The following ASPH variants were observed in gnomAD, a reference collection of about 807,000 sequenced individuals.
The protein encoded by ASPH is aspartyl/asparaginyl beta-hydroxylase.
A neutral mutation model predicts 118.4 loss-of-function variants in ASPH; 100 were observed. That is an observed-to-expected ratio of 0.84 (90% CI 0.72 to 1.00). The LOEUF is 1.00. Among genes scored for constraint, ASPH ranks in the 50% least tolerant of loss-of-function variants. The probability of loss-of-function intolerance (pLI) is 0.00; values close to 1 mark genes in which losing one functional copy is unlikely to be tolerated. For missense variants in ASPH, 920 were observed against 919.5 expected (o/e 1.00, Z -0.01); for synonymous variants, 315 against 325.6 (o/e 0.97, Z 0.35).
chr8:61,500,922 C>CTA lies in ASPH; in HGVS notation c.*2435_*2436dup, dbSNP rs1459443357. On this transcript the variant is annotated 3_prime_UTR_variant, in exon 25 of 25. Coordinates refer to ENST00000379454, the MANE Select transcript of ASPH (RefSeq NM_004318.4). Reference sequence around the variant, plus strand: ...ATAATCACCCCTGATAATATTATTACTAATCTTAATTATTTATTACATCAT... The same window carrying CTA: ...ATAATCACCCCTGATAATATTATTACTATAATCTTAATTATTTATTACATCAT... The CTA allele has an allele frequency of 2.0e-5, 3 of 152,178 alleles. No homozygotes were observed. In the East Asian group the frequency reaches 5.8e-4, roughly 29 times the overall value. 9.4% of individuals were successfully genotyped at this position (152,178 alleles called of 1,614,324 possible).
At chr8:61,505,564 G>A (rs997956386) in intron 24 of ASPH, among the ~76,000 whole-genome samples, 3 of 151,336 alleles carry the variant, frequency 2.0e-5, no homozygotes, top group Admixed American at 2.0e-4. Flanking sequence ...CCAGCCATGT[G>A]GAACTGTAAG....
At chr8:61,652,523 T>C (rs1014776987) in intron 4 of ASPH, among the ~76,000 whole-genome samples, 3 of 150,184 alleles carry the variant, frequency 2.0e-5, no homozygotes, top group African/African-American at 4.8e-5. Context: ...TGGAGTGTAA[T>C]GGGTTAAAAA....
chr8:61,575,868 T>C (rs995544895), intron 16 of ASPH, among the ~76,000 whole-genome samples: 2 of 152,130 alleles, frequency 1.3e-5, no homozygotes, highest in African/African-American at 2.4e-5. Flanking sequence ...ACCACCCCTA[T>C]AGGCAAAAGG....
At chr8:61,626,707 T>G (rs1019505104) in intron 13 of ASPH, among the ~76,000 whole-genome samples, 11 of 136,524 alleles carry the variant, frequency 8.1e-5, no homozygotes, top group African/African-American at 2.8e-4. Flanking sequence ...TAAAATAAAT[T>G]TTAAATTAAA....
chr8:61,555,589 G>C (rs747528417), intron 19 of ASPH, among the ~76,000 whole-genome samples: 13 of 151,998 alleles, frequency 8.6e-5, no homozygotes, highest in Non-Finnish European at 1.6e-4. Context: ...CACCACACCC[G>C]GCCTATTGTC....
chr8:61,653,581 A>T lies in ASPH; in HGVS notation c.402T>A (p.Val134=). 6.2e-7 allele frequency: 1 copy of T among 1,613,696 alleles called. No individual in the cohort carries two copies. The highest frequency in any genetic ancestry group is 8.5e-7 in the Non-Finnish European group (1 of 1,179,736). The part of the protein sequence containing the change: ...AEPHTEPEEQ[V]PVEAEPQNIE... The stretch of plus-strand genomic sequence containing the variant: ...GGACAAGCTTACCTGCCTCCACAGG[A>T]ACCTGCTCCTCGGGCTCAGTGTGTG... Residue 134 remains valine, a synonymous_variant, in exon 4 of 25, where the codon GTT becomes GTA. Coordinates refer to ENST00000379454, the MANE Select transcript of ASPH (RefSeq NM_004318.4).
At position 61,530,048 on chromosome 8, in the gene ASPH, G is replaced by T. The variant is rs147483566; in HGVS notation, c.1765-3936C>A. ...TGCAGAAGAGAGGGAGAGGGAGAGA[G>T]AATATGAATTTTCTCTACACTAATA... On this transcript the variant is annotated intron_variant, in intron 21 of 24. Coordinates refer to ENST00000379454, the MANE Select transcript of ASPH (RefSeq NM_004318.4). Among the ~76,000 whole-genome samples the T allele has an allele frequency of 3.9e-4, 60 of 152,294 alleles. 1 individual carries two copies. The East Asian group carries it at 0.011, about 28-fold the overall frequency.
chr8:61,709,921 A>G (rs774578047), intron 1 of ASPH, among the ~76,000 whole-genome samples: 1 of 152,228 alleles, frequency 6.6e-6, no homozygotes, highest in African/African-American at 2.4e-5. Flanking sequence ...AAAGCATAGT[A>G]TAAACTCTAT....
chr8:61,665,640 T>C, intron 3 of ASPH: 1 of 1,530,670 alleles, frequency 6.5e-7, no homozygotes, highest in Middle Eastern at 1.8e-4. Flanking sequence ...AAAAAATGTT[T>C]ATTGACAGGA....
At chr8:61,678,200 T>C (rs7813834) in intron 3 of ASPH, among the ~76,000 whole-genome samples, 72,246 of 152,016 alleles carry the variant, frequency 0.48, 17,520 homozygotes, top group Middle Eastern at 0.53. Context: ...GTGCTAGCCA[T>C]AGGACAAAAG....
At chr8:61,511,180 AAT>A (rs1480385870) in intron 24 of ASPH, among the ~76,000 whole-genome samples, 2 of 152,218 alleles carry the variant, frequency 1.3e-5, no homozygotes, top group African/African-American at 2.4e-5. Flanking sequence ...AATGAATGAA[AAT>A]ATATGTTATA....
intron 13 of ASPH, among the ~76,000 whole-genome samples, chr8:61,623,501 T>C (rs1851678476): frequency 6.6e-6 from 1 of 152,200 alleles, no homozygotes; most frequent in Non-Finnish European, 1.5e-5. Context: ...GGGTTATCAC[T>C]TTACTTTGTT....
intron 14 of ASPH, among the ~76,000 whole-genome samples, chr8:61,597,789 C>T (rs1293437792): frequency 6.6e-6 from 1 of 152,136 alleles, no homozygotes; most frequent in African/African-American, 2.4e-5. Context: ...GCAAAGCTAT[C>T]CTTCAAAAAT....
chr8:61,549,336 C>A (rs893278539), intron 20 of ASPH, among the ~76,000 whole-genome samples: 5 of 152,116 alleles, frequency 3.3e-5, no homozygotes, highest in Non-Finnish European at 7.4e-5. Context: ...TTTCCAATAA[C>A]CCCAAATATC....
intron 13 of ASPH, among the ~76,000 whole-genome samples, chr8:61,627,665 C>T (rs1853551145): frequency 6.6e-6 from 1 of 152,062 alleles, no homozygotes; most frequent in African/African-American, 2.4e-5. Flanking sequence ...TTCAGAAGTA[C>T]CCTGGGAAAA....
intron 14 of ASPH, 33 bp from the exon 15 acceptor site, chr8:61,584,062 T>G: frequency 1.5e-6 from 2 of 1,320,128 alleles, no homozygotes; most frequent in Non-Finnish European, 2.1e-6. Context: ...ATTTTTAACG[T>G]TTTTTGACTA....
chr8:61,648,910 C>T (rs558095267), intron 5 of ASPH, among the ~76,000 whole-genome samples: 3 of 152,032 alleles, frequency 2.0e-5, no homozygotes, highest in South Asian at 2.1e-4. Flanking sequence ...TGTGATTGGG[C>T]GGGGTGGGAA....
intron 16 of ASPH, among the ~76,000 whole-genome samples, chr8:61,574,695 T>C (rs1237628326): frequency 6.6e-6 from 1 of 152,092 alleles, no homozygotes; most frequent in South Asian, 2.1e-4. Context: ...CCGCGGCCTG[T>C]CGGGTGGGGG....
At chr8:61,625,194 G>C in intron 13 of ASPH, 1 of 985,686 alleles carries the variant, frequency 1.0e-6, no homozygotes, top group South Asian at 4.7e-5. Flanking sequence ...TTTCAACAGA[G>C]CAATTATTTC....
Sources: gnomAD v4.1 joint callset for allele counts (sites outside exome capture counted in the v4.1 genomes callset) on GRCh38, gnomAD v4.1.1 for gene constraint, MANE v1.5 for transcripts, NCBI Gene and HGNC (gene_info 2026-07-23, HGNC 2026-07-21) for gene names.